Variants in CNTN3 observed in about 807,000 individuals in gnomAD.
CNTN3 encodes the protein contactin 3.
Under a neutral mutation model 119.1 loss-of-function variants are expected in CNTN3, and 60 were observed. The ratio of observed to expected loss-of-function variants is 0.50; its 90% CI spans 0.41 to 0.62. The LOEUF is 0.62. Ranked by LOEUF, CNTN3 falls within the 20% of genes least tolerant of loss-of-function variation. The probability of loss-of-function intolerance (pLI) is 0.00; values close to 1 mark genes in which losing one functional copy is unlikely to be tolerated. For synonymous variants in CNTN3, 450 were observed against 438.7 expected, an observed-to-expected ratio of 1.03 and a Z score of -0.32; for missense variants, 1,101 against 1,242.4, an observed-to-expected ratio of 0.89 and a Z score of 1.71.
intron 20 of CNTN3, among the ~76,000 whole-genome samples, chr3:74,279,707 G>A (rs1343229323): frequency 6.6e-6 from 1 of 152,056 alleles, no homozygotes; most frequent in Non-Finnish European, 1.5e-5. Flanking sequence ...CTTGGGGGAT[G>A]GGTGCACCAA....
At chr3:74,436,244 C>G (rs1471254055) in intron 4 of CNTN3, among the ~76,000 whole-genome samples, 1 of 152,214 alleles carries the variant, frequency 6.6e-6, no homozygotes, top group African/African-American at 2.4e-5. Flanking sequence ...AATACCCCTC[C>G]TATGTGAAAG....
At chr3:74,319,880 A>G (rs1470953210) in intron 13 of CNTN3, among the ~76,000 whole-genome samples, 3 of 152,222 alleles carry the variant, frequency 2.0e-5, no homozygotes, top group Non-Finnish European at 4.4e-5. Flanking sequence ...CACTTCTCAA[A>G]AGAAGACATT....
chr3:74,297,913 AATT>A (rs1559688106), intron 18 of CNTN3, 41 bp downstream of exon 18: 1 of 1,437,696 alleles, frequency 7.0e-7, no homozygotes, highest in Admixed American at 1.9e-5. Flanking sequence ...GAGCACAAAT[AATT>A]ATTATTAGGC....
At chr3:74,541,943 T>G (rs1310542582) in intron 1 of CNTN3, among the ~76,000 whole-genome samples, 1 of 152,146 alleles carries the variant, frequency 6.6e-6, no homozygotes, top group Non-Finnish European at 1.5e-5. Flanking sequence ...TGTTTAAACA[T>G]GTAGTATGGA....
At chr3:74,476,829 G>A (rs530830452) in intron 4 of CNTN3, among the ~76,000 whole-genome samples, 7 of 152,218 alleles carry the variant, frequency 4.6e-5, no homozygotes, top group East Asian at 3.9e-4. Flanking sequence ...GGTAGGCAGA[G>A]ATGACGGAAG....
chr3:74,575,606 A>ACACACACACACACAC (rs60119036), intron 1 of CNTN3, among the ~76,000 whole-genome samples: 2 of 135,096 alleles, frequency 1.5e-5, no homozygotes, highest in African/African-American at 2.8e-5. Context: ...AGTCTCTCCC[A>ACACACACACACACAC]ACACACACAC....
At chr3:74,325,601 C>A (rs1360145854) in intron 13 of CNTN3, among the ~76,000 whole-genome samples, 1 of 152,086 alleles carries the variant, frequency 6.6e-6, no homozygotes, top group East Asian at 1.9e-4. Context: ...ATAGCTGCAG[C>A]TTTCCTGGGG....
At chr3:74,342,766 A>T (rs775291274) in intron 11 of CNTN3, among the ~76,000 whole-genome samples, 23 of 152,236 alleles carry the variant, frequency 1.5e-4, no homozygotes, top group Non-Finnish European at 3.1e-4. Flanking sequence ...AATGGACTCA[A>T]ATCAATAGAA....
chr3:74,560,215 A>G (rs896060517), intron 1 of CNTN3, among the ~76,000 whole-genome samples: 6 of 152,188 alleles, frequency 3.9e-5, no homozygotes, highest in Non-Finnish European at 8.8e-5. Flanking sequence ...GAACAGGAAT[A>G]ACAATGGCAC....
In CNTN3 at chr3:74,314,885, T is replaced by G. The variant is rs538010318; in HGVS notation, c.1669-12078A>C. ...GTGACTCCACCTTGAGTCACAGCCATAGTAAAATGAGGCTGAGACCTTCTG... is the reference window on the plus strand; with the variant it reads ...GTGACTCCACCTTGAGTCACAGCCAGAGTAAAATGAGGCTGAGACCTTCTG... On this transcript the variant is annotated intron_variant, in intron 13 of 22. Coordinates refer to ENST00000263665, the MANE Select transcript of CNTN3 (RefSeq NM_020872.3). 2.6e-5 allele frequency among the ~76,000 whole-genome samples: 4 copies of G among 152,242 alleles called. No homozygotes were observed. The East Asian group carries it at 7.7e-4, about 29-fold the overall frequency.
chr3:74,521,826 T>A (rs1703547796), intron 1 of CNTN3, among the ~76,000 whole-genome samples: 1 of 151,858 alleles, frequency 6.6e-6, no homozygotes, highest in African/African-American at 2.4e-5. Flanking sequence ...AGGAAATAAG[T>A]ATGTGAAAGT....
At chr3:74,407,540 T>A (rs1376580460) in intron 5 of CNTN3, among the ~76,000 whole-genome samples, 1 of 151,542 alleles carries the variant, frequency 6.6e-6, no homozygotes, top group Non-Finnish European at 1.5e-5. Context: ...CTCAAAGTGC[T>A]GGGATTACAA....
intron 4 of CNTN3, among the ~76,000 whole-genome samples, chr3:74,436,178 C>T (rs979800142): frequency 2.6e-5 from 4 of 152,216 alleles, no homozygotes; most frequent in Non-Finnish European, 5.9e-5. Context: ...TTTGCTTATG[C>T]TCTATCCTTC....
At chr3:74,324,216 C>G (rs200807316) in intron 13 of CNTN3, among the ~76,000 whole-genome samples, 1 of 110,154 alleles carries the variant, frequency 9.1e-6, no homozygotes, top group Non-Finnish European at 2.1e-5. Flanking sequence ...TCTTCTTCTT[C>G]TTTTTTTTTT....
intron 13 of CNTN3, among the ~76,000 whole-genome samples, chr3:74,323,692 A>G (rs1703052797): frequency 6.6e-6 from 1 of 152,150 alleles, no homozygotes. Context: ...TTTTCTCCTC[A>G]TTTGATATGA....
At chr3:74,281,606 C>G (rs958026685) in intron 20 of CNTN3, among the ~76,000 whole-genome samples, 3 of 152,072 alleles carry the variant, frequency 2.0e-5, no homozygotes, top group Non-Finnish European at 4.4e-5. Context: ...CCTTGGCTTC[C>G]CAAAGTGCTG....
chr3:74,602,609 T>C (rs1704929662), intron 1 of CNTN3, among the ~76,000 whole-genome samples: 1 of 152,128 alleles, frequency 6.6e-6, no homozygotes, highest in Non-Finnish European at 1.5e-5. Context: ...CTTGATTAGA[T>C]AAGAACTTTT....
chr3:74,339,572 A>C (rs1007738610), intron 11 of CNTN3, among the ~76,000 whole-genome samples: 2 of 152,070 alleles, frequency 1.3e-5, no homozygotes, highest in Non-Finnish European at 2.9e-5. Flanking sequence ...GTGTCCAATT[A>C]CATATTTGTG....
chr3:74,313,584 T>C (rs1002629153), intron 13 of CNTN3, among the ~76,000 whole-genome samples: 1 of 152,176 alleles, frequency 6.6e-6, no homozygotes, highest in African/African-American at 2.4e-5. Flanking sequence ...AGAAAAGACA[T>C]ACAAATTTAT....
Sources: gnomAD v4.1 joint callset for allele counts (sites outside exome capture counted in the v4.1 genomes callset) on GRCh38, gnomAD v4.1.1 for gene constraint, MANE v1.5 for transcripts, NCBI Gene and HGNC (gene_info 2026-07-23, HGNC 2026-07-21) for gene names.